The following ARK2C variants were observed in gnomAD, a reference collection of about 807,000 sequenced individuals.
ARK2C encodes arkadia (RNF111) C-terminal like ring finger ubiquitin ligase 2C.
chr18:46,380,772 A>G, the ARK2C span, among the ~76,000 whole-genome samples: 3 of 152,180 alleles, frequency 2.0e-5, no homozygotes, highest in Non-Finnish European at 4.4e-5. Context: ...CTAAGGACAA[A>G]GAGGGGTTGC....
At chr18:46,366,628 T>C in the ARK2C span, among the ~76,000 whole-genome samples, 2 of 152,222 alleles carry the variant, frequency 1.3e-5, no homozygotes, top group Non-Finnish European at 1.5e-5. Flanking sequence ...ATGAGAGTCA[T>C]GGCTGAGAGG....
the ARK2C span, among the ~76,000 whole-genome samples, chr18:46,364,074 A>T: frequency 2.7e-5 from 4 of 149,564 alleles, no homozygotes; most frequent in African/African-American, 9.9e-5. Flanking sequence ...CAGCCTCCTG[A>T]GTAGCTTGGA....
chr18:46,439,962 C>T, the ARK2C span, among the ~76,000 whole-genome samples: 3 of 152,198 alleles, frequency 2.0e-5, no homozygotes, highest in Non-Finnish European at 4.4e-5. Context: ...TCCTGAGTAG[C>T]TGGGACTACA....
the ARK2C span, among the ~76,000 whole-genome samples, chr18:46,410,137 C>T: frequency 1.6e-4 from 25 of 152,120 alleles, 1 homozygote; most frequent in Admixed American, 7.2e-4. Context: ...AATACATCTT[C>T]CACTTCTAAG....
At chr18:46,344,763 G>C in the ARK2C span, among the ~76,000 whole-genome samples, 2 of 152,222 alleles carry the variant, frequency 1.3e-5, no homozygotes, top group Admixed American at 6.5e-5. Context: ...GACAGTGGGG[G>C]ACTTGGGCCC....
the ARK2C span, among the ~76,000 whole-genome samples, chr18:46,339,932 A>G: frequency 6.6e-6 from 1 of 152,182 alleles, no homozygotes; most frequent in Non-Finnish European, 1.5e-5. Flanking sequence ...AGCACATTAG[A>G]TGATTTAATG....
the ARK2C span, among the ~76,000 whole-genome samples, chr18:46,414,959 C>T: frequency 9.2e-5 from 14 of 152,324 alleles, no homozygotes; most frequent in South Asian, 2.1e-4. Context: ...TGAGCTAAGC[C>T]GCAGTCCTGC....
the ARK2C span, among the ~76,000 whole-genome samples, chr18:46,449,566 C>T: frequency 4.6e-5 from 7 of 152,242 alleles, no homozygotes; most frequent in South Asian, 1.5e-3. Flanking sequence ...ATAATCCCCA[C>T]ATGTTAAGGG....
At chr18:46,429,675 G>A in the ARK2C span, among the ~76,000 whole-genome samples, 1 of 151,844 alleles carries the variant, frequency 6.6e-6, no homozygotes. Context: ...CACTTTCTTT[G>A]GATTGTTTTG....
the ARK2C span, among the ~76,000 whole-genome samples, chr18:46,436,140 G>A: frequency 6.6e-6 from 1 of 152,260 alleles, no homozygotes; most frequent in African/African-American, 2.4e-5. Flanking sequence ...CAGAACCCTT[G>A]AAAACTTAAA....
At chr18:46,430,286 T>A in the ARK2C span, among the ~76,000 whole-genome samples, 1 of 152,240 alleles carries the variant, frequency 6.6e-6, no homozygotes, top group Admixed American at 6.5e-5. Context: ...GTAGCTGCTC[T>A]ATTGTTTTCA....
chr18:46,354,618 C>T, the ARK2C span, among the ~76,000 whole-genome samples: 1 of 152,244 alleles, frequency 6.6e-6, no homozygotes, highest in Non-Finnish European at 1.5e-5. Flanking sequence ...CCTTCCCTGC[C>T]AGCCACAGCA....
At chr18:46,339,192 C>CT in the ARK2C span, among the ~76,000 whole-genome samples, 10 of 152,154 alleles carry the variant, frequency 6.6e-5, no homozygotes, top group African/African-American at 2.4e-4. Context: ...TTACAGGAGA[C>CT]TTAGAAAGCC....
chr18:46,399,678 C>G, the ARK2C span, among the ~76,000 whole-genome samples: 1 of 152,112 alleles, frequency 6.6e-6, no homozygotes, highest in Non-Finnish European at 1.5e-5. Flanking sequence ...GAGCAGTAGA[C>G]TATAGCAATG....
chr18:46,341,046 G>A, the ARK2C span, among the ~76,000 whole-genome samples: 19 of 152,110 alleles, frequency 1.2e-4, no homozygotes, highest in Admixed American at 2.6e-4. Context: ...ATGGCGGGGC[G>A]GAGGCACATG....
the ARK2C span, among the ~76,000 whole-genome samples, chr18:46,404,549 G>T: frequency 6.6e-6 from 1 of 152,078 alleles, no homozygotes; most frequent in Non-Finnish European, 1.5e-5. Flanking sequence ...AGGTCGGGAG[G>T]TCGAGACCAG....
chr18:46,441,029 C>T, the ARK2C span, among the ~76,000 whole-genome samples: 1 of 152,132 alleles, frequency 6.6e-6, no homozygotes, highest in Non-Finnish European at 1.5e-5. Flanking sequence ...GGGTCTTGCT[C>T]TGTCACCCAG....
chr18:46,442,342 A>G, the ARK2C span, among the ~76,000 whole-genome samples: 730 of 152,254 alleles, frequency 4.8e-3, 6 homozygotes, highest in South Asian at 0.025. Flanking sequence ...TTCTAATATA[A>G]GCATATAAAA....
the ARK2C span, among the ~76,000 whole-genome samples, chr18:46,384,252 C>G: frequency 6.6e-6 from 1 of 152,216 alleles, no homozygotes; most frequent in African/African-American, 2.4e-5. Context: ...ACCACCTGGG[C>G]ACTGGAGTCC....
Sources: allele counts gnomAD v4.1 joint callset (sites outside exome capture counted in the v4.1 genomes callset), GRCh38; gene constraint gnomAD v4.1.1; transcripts MANE v1.5; gene names NCBI Gene and HGNC (gene_info 2026-07-23, HGNC 2026-07-21).